The following PPP1R16B variants were observed in gnomAD, a reference collection of about 807,000 sequenced individuals.
The protein encoded by PPP1R16B is protein phosphatase 1 regulatory subunit 16B.
Under a neutral mutation model 61.7 loss-of-function variants are expected in PPP1R16B, and 14 were observed. The observed-to-expected ratio is 0.23, with a 90% CI of 0.15 to 0.35. The LOEUF (loss-of-function observed/expected upper bound fraction) is 0.35. Among genes scored for constraint, PPP1R16B ranks in the 10% least tolerant of loss-of-function variants. PPP1R16B has a pLI of 1.00. For synonymous variants in PPP1R16B, 266 were observed against 305.3 expected (o/e 0.87, Z 1.34); for missense variants, 547 against 752.5 (o/e 0.73, Z 3.19).
intron 1 of PPP1R16B, among the ~76,000 whole-genome samples, chr20:38,831,869 G>A (rs2084839449): frequency 6.6e-6 from 1 of 152,260 alleles, no homozygotes; most frequent in African/African-American, 2.4e-5. Context: ...ACAGCCACAA[G>A]TGGCTCATCA....
At chr20:38,834,660 T>C (rs2084857734) in intron 1 of PPP1R16B, among the ~76,000 whole-genome samples, 1 of 152,208 alleles carries the variant, frequency 6.6e-6, no homozygotes, top group Admixed American at 6.5e-5. Context: ...CAAAGAGCTT[T>C]TGTTTATGTG....
Position 38,806,248 on chromosome 20 carries a change from C to T in PPP1R16B, c.-102+456C>T, listed in dbSNP as rs1224992587. On this transcript the variant is annotated intron_variant, in intron 1 of 10. Coordinates refer to ENST00000299824, the MANE Select transcript of PPP1R16B (RefSeq NM_015568.4). This position sits in a 1 kb window ranked among gnomAD's most constrained non-coding sequence, Gnocchi z 4.5. ...CGGCCGGGCATGGTGGTGCCGCCCC[C>T]TCGCGTGGCGGGGCTTGGTCCTGGC... Among the ~76,000 whole-genome samples, 1 of 152,110 alleles carries T rather than the reference C, an allele frequency of 6.6e-6. No homozygotes were observed. The highest frequency in any genetic ancestry group is 2.1e-4 in the South Asian group (1 of 4,836).
At chr20:38,915,356 CT>C (rs2085526079) in intron 10 of PPP1R16B, among the ~76,000 whole-genome samples, 1 of 152,198 alleles carries the variant, frequency 6.6e-6, no homozygotes, top group African/African-American at 2.4e-5. Flanking sequence ...CTAAACAGCC[CT>C]GGTATTCTAC....
chr20:38,895,452 A>C, intron 3 of PPP1R16B, 113 bp from the exon 4 acceptor site: 1 of 1,256,022 alleles, frequency 8.0e-7, no homozygotes, highest in Admixed American at 2.3e-5. Context: ...GGATTCAAAC[A>C]GGCCTTCCAC....
chr20:38,918,707 C>T lies in PPP1R16B; in HGVS notation c.*41C>T, dbSNP rs868834295. The T allele has an allele frequency of 6.7e-7, 1 of 1,484,964 alleles. No homozygotes were observed. Among genetic ancestry groups the T allele is most frequent in the Non-Finnish European group, 8.9e-7 (1 of 1,122,588 alleles). 92.0% of individuals were successfully genotyped at this position (1,484,964 alleles called of 1,614,324 possible). On this transcript the variant is annotated 3_prime_UTR_variant, in exon 11 of 11. Transcript: ENST00000299824. The surrounding 1 kb of genome is among the most constrained non-coding windows in gnomAD (Gnocchi z 5.3). ...GGAGGGAGATGCCTGGGGAGGGGCT[C>T]CTGGAATCCAGGCCAGCCCAACAGC...
intron 1 of PPP1R16B, among the ~76,000 whole-genome samples, chr20:38,833,956 T>C (rs1193009714): frequency 6.6e-6 from 1 of 152,188 alleles, no homozygotes; most frequent in Non-Finnish European, 1.5e-5. Context: ...CAACGCTTCC[T>C]GAAACCAACC....
At chr20:38,893,349 T>G (rs758414961) in intron 3 of PPP1R16B, among the ~76,000 whole-genome samples, 7 of 151,398 alleles carry the variant, frequency 4.6e-5, no homozygotes, top group Non-Finnish European at 1.0e-4. Flanking sequence ...GGCAAAGGAG[T>G]GTGGATTTTC....
intron 3 of PPP1R16B, among the ~76,000 whole-genome samples, chr20:38,894,348 G>T (rs73905702): frequency 0.029 from 4,447 of 152,232 alleles, 206 homozygotes; most frequent in African/African-American, 0.1. Context: ...TTGGCGTCTG[G>T]ACTCTTCTCT....
chr20:38,853,267 G>A (rs2145731020), intron 2 of PPP1R16B, among the ~76,000 whole-genome samples: 1 of 152,258 alleles, frequency 6.6e-6, no homozygotes, highest in Middle Eastern at 3.4e-3. Context: ...TTTCCAACAT[G>A]TCCATCCCAT....
At position 38,843,563 on chromosome 20, in the gene PPP1R16B, G is replaced by A. The variant is rs75121625; in HGVS notation, c.250+7388G>A. 2.4e-4 allele frequency among the ~76,000 whole-genome samples: 37 copies of A among 152,286 alleles called. 1 individual carries two copies. The East Asian group carries it at 5.8e-3, about 24-fold the overall frequency. The stretch of plus-strand genomic sequence containing the variant: ...AGTGATCCAAGAGATAGAGGAATCC[G>A]CAATGCCTTTATGACCTTGTGTTGG... On this transcript the variant is annotated intron_variant, in intron 2 of 10. Coordinates refer to ENST00000299824, the MANE Select transcript of PPP1R16B (RefSeq NM_015568.4).
Position 38,902,767 on chromosome 20 carries a change from G to A in PPP1R16B, c.671G>A (p.Trp224Ter), listed in dbSNP as rs2085407109. ...ATCGCAGCGGGCCAGGACCTGGACT[G>A]GATAGATGCCCAGGGTGCCACACTG... The part of the protein sequence containing the change: ...CMIAAGQDLD[W>*]IDAQGATLLH... The change falls in exon 6 of 11, where the codon TGG becomes TAG. Residue 224 changes from tryptophan to a stop codon, truncating the protein, a stop_gained. Coordinates refer to ENST00000299824, the MANE Select transcript of PPP1R16B (RefSeq NM_015568.4). LOFTEE classifies it high-confidence loss of function. The A allele has an allele frequency of 6.2e-7, 1 of 1,614,130 alleles. No individual in the cohort carries two copies.
chr20:38,907,795 T>C lies in PPP1R16B; in HGVS notation c.899-11T>C. The C allele has an allele frequency of 6.2e-7, 1 of 1,613,946 alleles. No individual in the cohort carries two copies. Among genetic ancestry groups the C allele is most frequent in the Non-Finnish European group, 8.5e-7 (1 of 1,179,958 alleles). On this transcript the variant is annotated splice_polypyrimidine_tract_variant and intron_variant, in intron 8 of 10. Transcript: ENST00000299824. This position sits in a 1 kb window ranked among gnomAD's most constrained non-coding sequence, Gnocchi z 4.5. ...CCCCGTCCCCCACAACAGACTCCTCTGCCCCTTCAGACCTGTGCGAGGAGG... is the reference window on the plus strand; with the variant it reads ...CCCCGTCCCCCACAACAGACTCCTCCGCCCCTTCAGACCTGTGCGAGGAGG...
intron 2 of PPP1R16B, among the ~76,000 whole-genome samples, chr20:38,873,686 G>C (rs916416702): frequency 6.6e-6 from 1 of 151,834 alleles, no homozygotes; most frequent in Non-Finnish European, 1.5e-5. Flanking sequence ...ATGACAGCTG[G>C]CTTTCCCAGA....
intron 2 of PPP1R16B, among the ~76,000 whole-genome samples, chr20:38,839,829 T>C (rs531232022): frequency 2.0e-5 from 3 of 152,376 alleles, no homozygotes; most frequent in East Asian, 1.9e-4. Flanking sequence ...TAGCTCCTTA[T>C]TGATGCAGAT....
intron 2 of PPP1R16B, among the ~76,000 whole-genome samples, chr20:38,837,513 A>G (rs1471210543): frequency 6.6e-6 from 1 of 151,570 alleles, no homozygotes; most frequent in East Asian, 1.9e-4. Flanking sequence ...CATTCATACA[A>G]TCTATGTTTC....
At chr20:38,870,131 C>G (rs1303567745) in intron 2 of PPP1R16B, among the ~76,000 whole-genome samples, 1 of 151,994 alleles carries the variant, frequency 6.6e-6, no homozygotes, top group Non-Finnish European at 1.5e-5. Context: ...ACCATGTTGG[C>G]CAGGCTGGTC....
At position 38,835,826 on chromosome 20, in the gene PPP1R16B, C is replaced by G; in HGVS notation, c.-100C>G. The G allele has an allele frequency of 7.3e-7, 1 of 1,361,962 alleles. No individual in the cohort carries two copies. The allele number at this position is 1,361,962 out of a possible 1,614,324, so 84.4% of individuals were successfully genotyped here. ...TCTGTGTCTCCCTCCCTGCCACAGG[C>G]CACACCATGAGGCCCCAGCCCCACC... is the stretch of plus-strand genomic sequence containing the variant. On this transcript the variant is annotated splice_region_variant and 5_prime_UTR_variant, in exon 2 of 11. Transcript: ENST00000299824.
In PPP1R16B at chr20:38,809,051, A is replaced by AAAG. The variant is rs58852957; in HGVS notation, c.-102+3261_-102+3262insGAA. 4.0e-5 allele frequency among the ~76,000 whole-genome samples: 6 copies of AAAG among 150,994 alleles called. No homozygotes were observed. The East Asian group carries it at 5.9e-4, about 15-fold the overall frequency. On this transcript the variant is annotated intron_variant, in intron 1 of 10. Transcript: ENST00000299824. ...CCATCTCAAAAAGAAAAAGAAAAAA[A>AAAG]AAAGTGCTCAGTACAGCATCTGGTG...
Position 38,922,689 on chromosome 20 carries a change from G to A in PPP1R16B, c.*4023G>A, listed in dbSNP as rs909040801. 2.0e-5 allele frequency: 3 copies of A among 152,606 alleles called. No individual in the cohort carries two copies. The highest frequency in any genetic ancestry group is 2.9e-5 in the Non-Finnish European group (2 of 68,046). The allele number at this position is 152,606 out of a possible 1,614,324, so 9.5% of individuals were successfully genotyped here. A position where few individuals can be genotyped will look rare whatever the true frequency, so the allele number is the denominator to read the frequency against. On this transcript the variant is annotated 3_prime_UTR_variant, in exon 11 of 11. Coordinates refer to ENST00000299824, the MANE Select transcript of PPP1R16B (RefSeq NM_015568.4). ...ATTCACCAGACCAGAAGCCACTGGT[G>A]TACAGAGAACACTTAAAAAAATGTA...
Sources: gnomAD v4.1 joint callset for allele counts (sites outside exome capture counted in the v4.1 genomes callset) on GRCh38, gnomAD v4.1.1 for gene constraint, Gnocchi (gnomAD v3.1) non-coding constraint, MANE v1.5 for transcripts, NCBI Gene and HGNC (gene_info 2026-07-23, HGNC 2026-07-21) for gene names.